Variants in KIF1B observed in about 807,000 individuals in gnomAD.
KIF1B encodes the protein kinesin-like protein KIF1B.
Under a neutral mutation model 241.9 loss-of-function variants are expected in KIF1B, and 76 were observed. The observed-to-expected ratio is 0.31, with a 90% confidence interval of 0.26 to 0.38. KIF1B has a LOEUF of 0.38. Ranked by LOEUF, KIF1B falls within the 10% of genes least tolerant of loss-of-function variation. The probability of loss-of-function intolerance (pLI) is 1.00; values close to 1 mark genes in which losing one functional copy is unlikely to be tolerated. For synonymous variants in KIF1B, 750 were observed against 796.7 expected (o/e 0.94, Z 0.99); for missense variants, 1,622 against 2,271.4 (o/e 0.71, Z 5.81).
intron 24 of KIF1B, among the ~76,000 whole-genome samples, chr1:10,323,533 G>A (rs1245889764): frequency 6.6e-6 from 1 of 152,080 alleles, no homozygotes; most frequent in Admixed American, 6.6e-5. Context: ...GAGATGGTAG[G>A]ATCACCTGAG....
chr1:10,277,265 G>T (rs1309407005), intron 12 of KIF1B, among the ~76,000 whole-genome samples: 1 of 151,044 alleles, frequency 6.6e-6, no homozygotes, highest in Non-Finnish European at 1.5e-5. Context: ...AGGCAACGTA[G>T]TGAGACTCTG....
Position 10,374,818 on chromosome 1 carries a change from G to C in KIF1B, c.5097-36G>C. On this transcript the variant is annotated intron_variant, in intron 46 of 48. Transcript: ENST00000676179. The surrounding 1 kb of genome is among the most constrained non-coding windows in gnomAD (Gnocchi z 4.3). ...TCCTCAGCACGATTATTTTCTTTTT[G>C]TGAGAAACTAACTTTTGTCATATTG... The C allele has an allele frequency of 6.3e-7, 1 of 1,595,774 alleles. No homozygotes were observed. The highest frequency in any genetic ancestry group is 8.6e-7 in the Non-Finnish European group (1 of 1,163,508).
chr1:10,342,178 A>T lies in KIF1B; in HGVS notation c.3632+10A>T. 6.7e-7 allele frequency: 1 copy of T among 1,494,954 alleles called. No homozygotes were observed. Among genetic ancestry groups the T allele is most frequent in the Non-Finnish European group, 9.3e-7 (1 of 1,071,250 alleles). 92.6% of individuals were successfully genotyped at this position (1,494,954 alleles called of 1,614,324 possible). ...GACAGGAGCTTAACAGGTTTGGACC[A>T]GATAAGCAAACATTTTTGATGGTAT... is the stretch of plus-strand genomic sequence containing the variant. On this transcript the variant is annotated intron_variant, in intron 33 of 48. Coordinates refer to ENST00000676179, the MANE Select transcript of KIF1B (RefSeq NM_001365951.3).
At chr1:10,366,949 C>T (rs1638593770) in intron 43 of KIF1B, among the ~76,000 whole-genome samples, 1 of 151,802 alleles carries the variant, frequency 6.6e-6, no homozygotes, top group South Asian at 2.1e-4. Flanking sequence ...CCAGCCTGGG[C>T]AACAGAGTGA....
chr1:10,276,488 G>T, intron 12 of KIF1B, 89 bp downstream of exon 12: 1 of 857,674 alleles, frequency 1.2e-6, no homozygotes, highest in East Asian at 2.6e-5. Context: ...TGCTATCTGG[G>T]TAGTTATTTA....
intron 2 of KIF1B, among the ~76,000 whole-genome samples, chr1:10,253,511 C>T (rs1647588063): frequency 1.3e-5 from 2 of 152,054 alleles, no homozygotes; most frequent in Admixed American, 1.3e-4. Flanking sequence ...GGTGTAGTGG[C>T]ATGAACCTGT....
Position 10,374,750 on chromosome 1 carries a change from A to T in KIF1B, c.5097-104A>T. ...GCCAAATAGGTCATTTGCCTGTTTC[A>T]TCGAATCTAAGGACTTGGCCTAAGT... On this transcript the variant is annotated intron_variant, in intron 46 of 48. Coordinates refer to ENST00000676179, the MANE Select transcript of KIF1B (RefSeq NM_001365951.3). The surrounding 1 kb of genome is among the most constrained non-coding windows in gnomAD (Gnocchi z 4.3). The T allele has an allele frequency of 1.7e-6, 2 of 1,151,614 alleles. No homozygotes were observed. The highest frequency in any genetic ancestry group is 2.6e-6 in the Non-Finnish European group (2 of 771,168). 71.3% of individuals were successfully genotyped at this position (1,151,614 alleles called of 1,614,324 possible). A position where few individuals can be genotyped will look rare whatever the true frequency, so the allele number is the denominator to read the frequency against.
Position 10,334,651 on chromosome 1 carries a change from C to A in KIF1B, c.3043+13C>A. 6.3e-7 allele frequency: 1 copy of A among 1,591,282 alleles called. No individual in the cohort carries two copies. The highest frequency in any genetic ancestry group is 8.6e-7 in the Non-Finnish European group (1 of 1,159,482). On this transcript the variant is annotated intron_variant, in intron 28 of 48. Coordinates refer to ENST00000676179, the MANE Select transcript of KIF1B (RefSeq NM_001365951.3). ...CAGGCCATCGCAGGTAGGTGACCCTCTTCTGAAATGAGAGCTGTGAGTTCT... is the reference window on the plus strand; with the variant it reads ...CAGGCCATCGCAGGTAGGTGACCCTATTCTGAAATGAGAGCTGTGAGTTCT...
At position 10,282,492 on chromosome 1, in the gene KIF1B, A is replaced by G; in HGVS notation, c.1393A>G (p.Met465Val). 1 of 1,614,216 alleles carries G rather than the reference A, an allele frequency of 6.2e-7. No homozygotes were observed. Among genetic ancestry groups the G allele is most frequent in the Non-Finnish European group, 8.5e-7 (1 of 1,180,030 alleles). The change falls in exon 15 of 49, where the codon ATG (methionine) becomes GTG (valine). Residue 465 changes from methionine to valine, a missense_variant. By Grantham distance (21) the Met-to-Val change is conservative. Transcript: ENST00000676179. ...TGTGACCAGTATTCAAGAGAGGATC[A>G]TGTCTACACCTGGAGGAGAGGAAGC... The part of the protein sequence containing the change: ...TSVTSIQERI[M>V]STPGGEEAIE...
intron 22 of KIF1B, chr1:10,306,382 C>T (rs1650827588): frequency 5.8e-6 from 6 of 1,034,964 alleles, no homozygotes; most frequent in Admixed American, 5.6e-5. Flanking sequence ...CCCAGTTGTC[C>T]TTTTTTATTC....
At chr1:10,293,205 T>G (rs1459344466) in intron 17 of KIF1B, among the ~76,000 whole-genome samples, 1 of 152,218 alleles carries the variant, frequency 6.6e-6, no homozygotes, top group East Asian at 1.9e-4. Flanking sequence ...ATGTTTATAT[T>G]ATGAAAGGTT....
intron 15 of KIF1B, among the ~76,000 whole-genome samples, chr1:10,284,377 A>T (rs1221316601): frequency 6.6e-6 from 1 of 151,960 alleles, no homozygotes; most frequent in Non-Finnish European, 1.5e-5. Flanking sequence ...GTGAAACCCC[A>T]TCTCTACTAA....
At position 10,347,763 on chromosome 1, in the gene KIF1B, A is replaced by G; in HGVS notation, c.3800A>G (p.Tyr1267Cys). 6.2e-7 allele frequency: 1 copy of G among 1,612,906 alleles called. No individual in the cohort carries two copies. Among genetic ancestry groups the G allele is most frequent in the Non-Finnish European group, 8.5e-7 (1 of 1,179,064 alleles). The change falls in exon 36 of 49, where the codon TAT becomes TGT. Residue 1267 changes from tyrosine (Y) to cysteine (C), a missense_variant and splice_region_variant. By Grantham distance (194) the Tyr-to-Cys change is radical. Coordinates refer to ENST00000676179, the MANE Select transcript of KIF1B (RefSeq NM_001365951.3). ...TCTTTTGCGTTTCTATTTTTTAGGT[A>G]TATCCCAGCTGTGGTTGACCACACA... ...EISELEPTGE[Y>C]IPAVVDHTAG...
intron 22 of KIF1B, among the ~76,000 whole-genome samples, chr1:10,313,579 C>T (rs1651161731): frequency 8.2e-6 from 1 of 121,760 alleles, no homozygotes; most frequent in Admixed American, 1.0e-4. Flanking sequence ...GAGATGGAGT[C>T]TCGCTCTGTC....
intron 25 of KIF1B, 127 bp downstream of exon 25, chr1:10,324,189 CTGT>C: frequency 1.1e-6 from 1 of 911,366 alleles, no homozygotes; most frequent in South Asian, 1.4e-5. Flanking sequence ...TTTCTAAATG[CTGT>C]TGTTGGCCAA....
intron 34 of KIF1B, among the ~76,000 whole-genome samples, chr1:10,344,167 G>C (rs1652504351): frequency 6.6e-6 from 1 of 152,122 alleles, no homozygotes; most frequent in African/African-American, 2.4e-5. Flanking sequence ...CACATTTTCT[G>C]AGCACGCCAG....
intron 22 of KIF1B, among the ~76,000 whole-genome samples, chr1:10,313,110 A>C (rs1651138215): frequency 6.6e-6 from 1 of 151,198 alleles, no homozygotes; most frequent in African/African-American, 2.5e-5. Flanking sequence ...TCTGTCACCT[A>C]GGCTGGAGTG....
chr1:10,368,865 T>A (rs904649155), intron 44 of KIF1B, among the ~76,000 whole-genome samples: 3 of 152,182 alleles, frequency 2.0e-5, no homozygotes, highest in African/African-American at 7.2e-5. Context: ...AAGGAAACCC[T>A]GAGGTTCCTG....
intron 2 of KIF1B, among the ~76,000 whole-genome samples, chr1:10,235,862 C>CAAA (rs70997211): frequency 1.0e-4 from 7 of 70,340 alleles, no homozygotes; most frequent in Non-Finnish European, 1.6e-4. Context: ...AACACTGTCT[C>CAAA]AAAAAAAAAA....
Sources: allele counts gnomAD v4.1 joint callset (sites outside exome capture counted in the v4.1 genomes callset), GRCh38; gene constraint gnomAD v4.1.1; non-coding constraint Gnocchi (gnomAD v3.1); transcripts MANE v1.5; gene names NCBI Gene and HGNC (gene_info 2026-07-23, HGNC 2026-07-21).